The following TSC2 variants were observed in gnomAD, a reference collection of about 807,000 sequenced individuals.
The protein encoded by TSC2 is tuberin.
In TSC2, 29 loss-of-function variants were observed where a neutral mutation model predicts 202.2. That is an observed-to-expected ratio of 0.14 (90% confidence interval 0.11 to 0.20). The LOEUF is 0.20. TSC2 is among the 10% of genes least tolerant of loss of function. The pLI, the probability that TSC2 is intolerant of heterozygous loss-of-function variation, is 1.00. For missense variants in TSC2, 2,429 were observed against 2,420.0 expected, an observed-to-expected ratio of 1.00 and a Z score of -0.08; for synonymous variants, 1,349 against 1,044.0, an observed-to-expected ratio of 1.29 and a Z score of -5.63.
intron 17 of TSC2, 150 bp from the exon 18 acceptor site, chr16:2,071,360 T>G: frequency 1.3e-6 from 1 of 751,104 alleles, no homozygotes; most frequent in Middle Eastern, 2.3e-4. Context: ...ACAGAGCCTG[T>G]GTCTGTGTTG....
At position 2,061,868 on chromosome 16, in the gene TSC2, C is replaced by T. The variant is rs1349958011; in HGVS notation, c.1120-3C>T. On this transcript the variant is annotated splice_polypyrimidine_tract_variant and splice_region_variant and intron_variant, in intron 11 of 41. Coordinates refer to ENST00000219476, the MANE Select transcript of TSC2 (RefSeq NM_000548.5). The stretch of plus-strand genomic sequence containing the variant: ...GCCTGTGTCATCGTGCCTGGTACTG[C>T]AGACCTTGGACAGCCCGGAGCTCAG... The T allele has an allele frequency of 1.2e-6, 2 of 1,614,002 alleles. No homozygotes were observed. The highest frequency in any genetic ancestry group is 1.3e-5 in the African/African-American group (1 of 74,930).
chr16:2,048,916 C>T (rs924457136), intron 2 of TSC2, among the ~76,000 whole-genome samples, 163 bp downstream of exon 2: 1 of 151,970 alleles, frequency 6.6e-6, no homozygotes, highest in African/African-American at 2.4e-5. Context: ...CAGGAGACTT[C>T]GAAAGTCAGG....
chr16:2,086,325 G>C lies in TSC2; in HGVS notation c.4795G>C (p.Val1599Leu), dbSNP rs772687631. The C allele has an allele frequency of 6.2e-7, 1 of 1,612,960 alleles. No homozygotes were observed. Among genetic ancestry groups the C allele is most frequent in the Admixed American group, 1.7e-5 (1 of 60,014 alleles). The change falls in exon 37 of 42, where the codon GTG becomes CTG. Residue 1599 changes from valine (V) to leucine (L), a missense_variant. Coordinates refer to ENST00000219476, the MANE Select transcript of TSC2 (RefSeq NM_000548.5). ...CAAGGTGTACCTGGGAGGCCTGGAC[G>C]TGTGTGGTGAGGACGGCCAGTTCAC... ...PDKVYLGGLD[V>L]CGEDGQFTYC... is the part of the protein sequence containing the mutation.
intron 15 of TSC2, 106 bp from the exon 16 acceptor site, chr16:2,065,412 CA>C (rs369052665): frequency 0.13 from 54,709 of 412,134 alleles, 8 homozygotes; most frequent in East Asian, 0.2. Flanking sequence ...GACTCGATCT[CA>C]AAAAAAAAAA....
chr16:2,061,267 A>G, intron 11 of TSC2: 2 of 301,922 alleles, frequency 6.6e-6, no homozygotes, highest in Non-Finnish European at 1.3e-5. Context: ...GCTAGTATCC[A>G]GCAGCCTCAG....
intron 31 of TSC2, 187 bp downstream of exon 31, chr16:2,081,985 A>C: frequency 1.2e-6 from 1 of 846,146 alleles, no homozygotes; most frequent in Non-Finnish European, 1.9e-6. Context: ...TGCCCTGCTC[A>C]GGAAGCTGGG....
chr16:2,072,636 T>C, intron 20 of TSC2: 1 of 831,108 alleles, frequency 1.2e-6, no homozygotes, highest in East Asian at 2.7e-5. Context: ...TAAGTGGGGC[T>C]CCCGTGCCGT....
intron 9 of TSC2, among the ~76,000 whole-genome samples, chr16:2,058,052 T>A (rs1453654147): frequency 7.5e-6 from 1 of 132,712 alleles, no homozygotes; most frequent in Non-Finnish European, 1.6e-5. Context: ...CATCTTTCCT[T>A]CCCTCCATCC....
At chr16:2,063,976 A>T (rs905283572) in intron 14 of TSC2, 2 of 500,196 alleles carry the variant, frequency 4.0e-6, no homozygotes, top group African/African-American at 3.9e-5. Flanking sequence ...CGGCTGTGAC[A>T]GTGAAGGGCA....
chr16:2,076,130 G>T lies in TSC2; in HGVS notation c.2702G>T (p.Arg901Leu), dbSNP rs1273957629. ...HVIAMWFIRC[R>L]LPFRKDFVPF... ...ATAGCCATGTGGTTCATCAGGTGCC[G>T]CCTGCCCTTCCGGAAGGATTTTGTC... Residue 901 changes from arginine to leucine, a missense_variant, in exon 24 of 42, where the codon CGC (arginine) becomes CTC (leucine). Coordinates refer to ENST00000219476, the MANE Select transcript of TSC2 (RefSeq NM_000548.5). 6.2e-7 allele frequency: 1 copy of T among 1,613,842 alleles called. No homozygotes were observed. The highest frequency in any genetic ancestry group is 8.5e-7 in the Non-Finnish European group (1 of 1,180,034).
chr16:2,075,619 G>A (rs1393149233), intron 22 of TSC2, among the ~76,000 whole-genome samples, 180 bp from the exon 23 acceptor site: 1 of 151,812 alleles, frequency 6.6e-6, no homozygotes, highest in Admixed American at 6.6e-5. Context: ...CCCAGAAGCT[G>A]TGGTTGGCTG....
intron 32 of TSC2, chr16:2,083,291 C>T: frequency 4.4e-6 from 2 of 458,344 alleles, no homozygotes; most frequent in Non-Finnish European, 4.4e-6. Context: ...TGTTTGCAAA[C>T]AGGGACTTCC....
At position 2,088,310 on chromosome 16, in the gene TSC2, G is replaced by A. The variant is rs150038278; in HGVS notation, c.5244G>A (p.Lys1748=). The A allele has an allele frequency of 3.3e-5, 53 of 1,612,764 alleles. No homozygotes were observed. In the African/African-American group the frequency reaches 6.3e-4, roughly 19 times the overall value. The stretch of plus-strand genomic sequence containing the variant: ...GGATTGCCCGGCTCCGCCACATCAA[G>A]CGGCTCCGCCAGCGGGTAGGGAATA... The part of the protein sequence containing the change: ...SKWIARLRHI[K]RLRQRICEEA... Residue 1748 remains lysine, a synonymous_variant, in exon 41 of 42, where the codon AAG becomes AAA. Coordinates refer to ENST00000219476, the MANE Select transcript of TSC2 (RefSeq NM_000548.5).
intron 31 of TSC2, 169 bp downstream of exon 31, chr16:2,081,967 G>C: frequency 1.0e-6 from 1 of 986,606 alleles, no homozygotes; most frequent in South Asian, 1.4e-5. Context: ...TGACCCGTGG[G>C]AGGTGTCTGC....
rs966840770 is a variant in TSC2 at position 2,061,029 on chromosome 16, A to G, written c.1119+216A>G. The G allele has an allele frequency of 2.4e-5, 15 of 629,742 alleles. No homozygotes were observed. In the African/African-American group the frequency reaches 2.6e-4, roughly 11 times the overall value. The allele number at this position is 629,742 out of a possible 1,614,324, so 39.0% of individuals were successfully genotyped here. On this transcript the variant is annotated intron_variant, in intron 11 of 41. Transcript: ENST00000219476. Reference sequence around the variant, plus strand: ...TGCATCGTTTAGGCCCCAGACAGGAATATGCAGTAGGTGAGCCGGGGCTGG... The same window carrying G: ...TGCATCGTTTAGGCCCCAGACAGGAGTATGCAGTAGGTGAGCCGGGGCTGG...
intron 3 of TSC2, among the ~76,000 whole-genome samples, chr16:2,052,949 C>G (rs187373454): frequency 4.7e-4 from 72 of 152,292 alleles, no homozygotes; most frequent in Middle Eastern, 3.4e-3. Flanking sequence ...GGGTCAGGTG[C>G]AGGCCTAGGG....
In TSC2 at chr16:2,088,636, G is replaced by A. The variant is rs13332015; in HGVS notation, c.*26G>A. On this transcript the variant is annotated 3_prime_UTR_variant, in exon 42 of 42. Transcript: ENST00000219476. ...GGCCGGGGCCCTCCCTCCTGCACTG[G>A]CCTTGGACGGTATTGCCTGTCAGTG... 6.3e-3 allele frequency: 10,027 copies of A among 1,592,356 alleles called. 534 individuals are homozygous for A. The African/African-American group carries it at 0.11, about 18-fold the overall frequency.
intron 30 of TSC2, chr16:2,080,731 G>T (rs376922324): frequency 7.1e-5 from 20 of 280,508 alleles, no homozygotes; most frequent in East Asian, 2.6e-4. Flanking sequence ...TGATCCGCCC[G>T]CCTTGGCCTC....
intron 20 of TSC2, 85 bp from the exon 21 acceptor site, chr16:2,072,764 G>C: frequency 6.2e-7 from 1 of 1,606,182 alleles, no homozygotes; most frequent in Non-Finnish European, 8.5e-7. Flanking sequence ...TCCTGGGCCT[G>C]CGTTCCCAGG....
Sources: allele counts gnomAD v4.1 joint callset (sites outside exome capture counted in the v4.1 genomes callset), GRCh38; gene constraint gnomAD v4.1.1; transcripts MANE v1.5; gene names NCBI Gene and HGNC (gene_info 2026-07-23, HGNC 2026-07-21).